The following ANKRD28 variants were observed in gnomAD, a reference collection of about 807,000 sequenced individuals.
The protein encoded by ANKRD28 is serine/threonine-protein phosphatase 6 regulatory ankyrin repeat subunit A.
In ANKRD28, 44 loss-of-function variants were observed where a neutral mutation model predicts 126.5. That is an observed-to-expected ratio of 0.35 (90% CI 0.27 to 0.45). ANKRD28 has a LOEUF of 0.45. Among genes scored for constraint, ANKRD28 ranks in the 20% least tolerant of loss-of-function variants. The pLI is 1.00. For synonymous variants in ANKRD28, 442 were observed against 468.5 expected, an observed-to-expected ratio of 0.94 and a Z score of 0.73; for missense variants, 1,110 against 1,316.6, an observed-to-expected ratio of 0.84 and a Z score of 2.43.
chr3:15,800,192 C>T (rs2060436032), upstream of ANKRD28, among the ~76,000 whole-genome samples: 1 of 151,992 alleles, frequency 6.6e-6, no homozygotes, highest in Admixed American at 6.6e-5. Flanking sequence ...AATTTCTTGA[C>T]ACTTATATAA....
intron 3 of ANKRD28, among the ~76,000 whole-genome samples, chr3:15,758,026 C>A (rs922469947): frequency 6.6e-6 from 1 of 152,230 alleles, no homozygotes; most frequent in East Asian, 1.9e-4. Context: ...TTACAGAAAA[C>A]GTTAGCCAAC....
Position 15,846,306 on chromosome 3 carries a change from G to A in ANKRD28, c.27+13071C>T, listed in dbSNP as rs1301255276. Reference sequence around the variant, plus strand: ...CAAAGAGGCTACTGGCCCCATGCAAGTCTGAAACCCAGCAAGGCAGTCATT... The same window carrying A: ...CAAAGAGGCTACTGGCCCCATGCAAATCTGAAACCCAGCAAGGCAGTCATT... On this transcript the variant is annotated intron_variant, in intron 1 of 27. Coordinates refer to the ANKRD28 transcript ENST00000399451. The surrounding 1 kb of genome is among the most constrained non-coding windows in gnomAD (Gnocchi z 5.4). Among the ~76,000 whole-genome samples the A allele has an allele frequency of 6.6e-6, 1 of 152,240 alleles. No homozygotes were observed. Among genetic ancestry groups the A allele is most frequent in the Non-Finnish European group, 1.5e-5 (1 of 68,034 alleles).
At chr3:15,676,929 TA>T (rs539535013) in intron 26 of ANKRD28, 44 bp downstream of exon 26, 211 of 1,487,902 alleles carry the variant, frequency 1.4e-4, no homozygotes, top group South Asian at 5.9e-4. Context: ...ATCATTTTTA[TA>T]ATTATAGGTC....
At chr3:15,842,166 G>A (rs1425841317) in intron 1 of ANKRD28, among the ~76,000 whole-genome samples, 1 of 151,438 alleles carries the variant, frequency 6.6e-6, no homozygotes, top group African/African-American at 2.4e-5. Context: ...AGATTTGGAA[G>A]CAACTTAAAT....
At chr3:15,841,545 A>G (rs960852594) in intron 1 of ANKRD28, among the ~76,000 whole-genome samples, 1 of 152,240 alleles carries the variant, frequency 6.6e-6, no homozygotes, top group African/African-American at 2.4e-5. Context: ...CAAGGGATTC[A>G]TAACCAGAGA....
At chr3:15,713,380 C>T in intron 10 of ANKRD28, 147 bp downstream of exon 10, 1 of 588,426 alleles carries the variant, frequency 1.7e-6, no homozygotes, top group Non-Finnish European at 3.0e-6. Context: ...TTTAACCTAC[C>T]ACTTTGTCAA....
chr3:15,698,576 A>C (rs2125919273), intron 14 of ANKRD28, among the ~76,000 whole-genome samples: 1 of 152,306 alleles, frequency 6.6e-6, no homozygotes, highest in African/African-American at 2.4e-5. Context: ...GAAAATCACA[A>C]AGATTCCCAT....
intron 9 of ANKRD28, 46 bp downstream of exon 9, chr3:15,714,532 G>GA (rs5846873): frequency 0.13 from 137,661 of 1,058,400 alleles, 994 homozygotes; most frequent in African/African-American, 0.28. Flanking sequence ...CTACATTTAA[G>GA]AAAAAAAAAA....
At chr3:15,694,899 G>C in intron 16 of ANKRD28, 86 bp from the exon 17 acceptor site, 4 of 1,300,490 alleles carry the variant, frequency 3.1e-6, no homozygotes, top group Non-Finnish European at 4.4e-6. Context: ...ATCCACCTTA[G>C]AGTATTATTT....
chr3:15,845,759 G>C lies in ANKRD28; in HGVS notation c.27+13618C>G, dbSNP rs1006178539. Among the ~76,000 whole-genome samples, 23 of 152,144 alleles carry C rather than the reference G, an allele frequency of 1.5e-4. No homozygotes were observed. The highest frequency in any genetic ancestry group is 5.3e-4 in the African/African-American group (22 of 41,440). ...ACTCACAGTTCCACAGGCTTAATAAGAAGTATGACTCAAGAAACTTAGAAT... is the reference window on the plus strand; with the variant it reads ...ACTCACAGTTCCACAGGCTTAATAACAAGTATGACTCAAGAAACTTAGAAT... On this transcript the variant is annotated intron_variant, in intron 1 of 27. Transcript: ENST00000399451. The surrounding 1 kb of genome is among the most constrained non-coding windows in gnomAD (Gnocchi z 4.9).
intron 2 of ANKRD28, among the ~76,000 whole-genome samples, chr3:15,771,450 G>A (rs1179114867): frequency 6.6e-6 from 1 of 150,808 alleles, no homozygotes; most frequent in Non-Finnish European, 1.5e-5. Flanking sequence ...ATCTGCTTCT[G>A]ATGAGGGCCT....
chr3:15,748,962 T>C (rs1254160421), intron 4 of ANKRD28, among the ~76,000 whole-genome samples: 2 of 152,124 alleles, frequency 1.3e-5, no homozygotes, highest in African/African-American at 4.8e-5. Context: ...CTAAAGTTCT[T>C]CTGTTTGTTT....
chr3:15,741,969 C>G (rs914066774), intron 4 of ANKRD28, among the ~76,000 whole-genome samples: 2 of 151,996 alleles, frequency 1.3e-5, no homozygotes, highest in Admixed American at 6.5e-5. Context: ...CAGCTCCTAA[C>G]TGCGAGTGAT....
chr3:15,775,449 G>A (rs551895757), intron 2 of ANKRD28, among the ~76,000 whole-genome samples: 3 of 152,232 alleles, frequency 2.0e-5, no homozygotes, highest in African/African-American at 7.2e-5. Flanking sequence ...CTATCTACCT[G>A]AAGATAGCAT....
In ANKRD28 at chr3:15,713,710, G is replaced by A. The variant is rs980736094; in HGVS notation, c.1076-69C>T. On this transcript the variant is annotated intron_variant, in intron 9 of 27. Coordinates refer to ENST00000683139, the MANE Select transcript of ANKRD28 (RefSeq NM_001349278.2). ...TCAGGTCAAACGTACTACATGAAAA[G>A]TAATAAAAAATGCTGTTCACATACA... is the stretch of plus-strand genomic sequence containing the variant. The A allele has an allele frequency of 1.3e-5, 13 of 1,002,110 alleles. No homozygotes were observed. In the Admixed American group the frequency reaches 3.3e-4, roughly 26 times the overall value. 62.1% of individuals were successfully genotyped at this position (1,002,110 alleles called of 1,614,324 possible).
intron 4 of ANKRD28, among the ~76,000 whole-genome samples, chr3:15,743,878 T>A (rs1344621098): frequency 6.6e-6 from 1 of 151,504 alleles, no homozygotes; most frequent in Admixed American, 6.5e-5. Context: ...TGTGCTAAGT[T>A]AAGTTCTCTT....
intron 17 of ANKRD28, among the ~76,000 whole-genome samples, chr3:15,693,440 T>C (rs912592247): frequency 2.6e-5 from 4 of 151,676 alleles, no homozygotes; most frequent in Non-Finnish European, 5.9e-5. Context: ...AGAATACAAA[T>C]GAGAATTTCT....
intron 18 of ANKRD28, among the ~76,000 whole-genome samples, chr3:15,688,750 G>A (rs1393969): frequency 0.47 from 70,844 of 152,038 alleles, 19,392 homozygotes; most frequent in Non-Finnish European, 0.6. Context: ...CCAGTGATAC[G>A]CAGTGGGTAG....
rs547941291 is a variant in ANKRD28 at position 15,752,771 on chromosome 3, T to A, written c.281-951A>T. Among the ~76,000 whole-genome samples the A allele has an allele frequency of 1.7e-4, 26 of 152,324 alleles. No individual in the cohort carries two copies. In the South Asian group the frequency reaches 5.2e-3, roughly 30 times the overall value. On this transcript the variant is annotated intron_variant, in intron 3 of 27. Transcript: ENST00000683139. ...CAACTATAACAGAAACAAAGCTTCA[T>A]ACTTCCTAACGCTTACATTATTTCT...
Sources: gnomAD v4.1 joint callset for allele counts (sites outside exome capture counted in the v4.1 genomes callset) on GRCh38, gnomAD v4.1.1 for gene constraint, Gnocchi (gnomAD v3.1) non-coding constraint, MANE v1.5 for transcripts, NCBI Gene and HGNC (gene_info 2026-07-23, HGNC 2026-07-21) for gene names.